Variants in RNF144B observed in about 807,000 individuals in gnomAD.
RNF144B encodes the protein E3 ubiquitin-protein ligase RNF144B.
In RNF144B, 25 loss-of-function variants were observed where a neutral mutation model predicts 40.2. The observed-to-expected ratio is 0.62, with a 90% CI of 0.45 to 0.87. The LOEUF (loss-of-function observed/expected upper bound fraction) is 0.87. Among genes scored for constraint, RNF144B ranks in the 40% least tolerant of loss-of-function variants. The probability of loss-of-function intolerance (pLI) is 0.00; values close to 1 mark genes in which losing one functional copy is unlikely to be tolerated. For synonymous variants in RNF144B, 145 were observed against 136.3 expected (o/e 1.06, Z -0.44); for missense variants, 365 against 373.7 (o/e 0.98, Z 0.19).
chr6:18,456,979 T>C lies in RNF144B; in HGVS notation c.332-176T>C, dbSNP rs568787141. Among the ~76,000 whole-genome samples the C allele has an allele frequency of 1.3e-5, 2 of 152,162 alleles. No individual in the cohort carries two copies. Among genetic ancestry groups the C allele is most frequent in the Admixed American group, 1.3e-4 (2 of 15,280 alleles). On this transcript the variant is annotated intron_variant, in intron 4 of 7. Transcript: ENST00000259939. This position sits in a 1 kb window ranked among gnomAD's most constrained non-coding sequence, Gnocchi z 4.7. ...CGGGAGGCTGAGGCAGAAGAATCGGTTGAACCCAGGAGGGGAGGTTGCAGT... is the reference window on the plus strand; with the variant it reads ...CGGGAGGCTGAGGCAGAAGAATCGGCTGAACCCAGGAGGGGAGGTTGCAGT...
chr6:18,448,678 A>G lies in RNF144B; in HGVS notation c.332-8477A>G, dbSNP rs959347122. Among the ~76,000 whole-genome samples, 2 of 128,910 alleles carry G rather than the reference A, an allele frequency of 1.6e-5. No individual in the cohort carries two copies. The highest frequency in any genetic ancestry group is 4.9e-4 in the South Asian group (2 of 4,080). The allele number at this position is 128,910 out of a possible 152,430, so 84.6% of individuals were successfully genotyped here. On this transcript the variant is annotated intron_variant, in intron 4 of 7. Transcript: ENST00000259939. This position sits in a 1 kb window ranked among gnomAD's most constrained non-coding sequence, Gnocchi z 4.0. ...GAATAATAAATCCATTTTATTTTGA[A>G]AGCCAGCATGCACACACACACACAC...
At chr6:18,428,214 G>A (rs536544333) in intron 3 of RNF144B, among the ~76,000 whole-genome samples, 1 of 152,288 alleles carries the variant, frequency 6.6e-6, no homozygotes, top group African/African-American at 2.4e-5. Context: ...TACCATGATT[G>A]TAAGTTTTCT....
rs1432906311 is a variant in RNF144B, at chr6:18,395,218, C to G, written c.-36-4281C>G. Reference sequence around the variant, plus strand: ...TTTGATAGAAATGTGAGGTATGAGGCAGTAGGAGTGAGTTAGCCTCTTTCT... The same window carrying G: ...TTTGATAGAAATGTGAGGTATGAGGGAGTAGGAGTGAGTTAGCCTCTTTCT... On this transcript the variant is annotated intron_variant, in intron 1 of 7. Transcript: ENST00000259939. This position sits in a 1 kb window ranked among gnomAD's most constrained non-coding sequence, Gnocchi z 4.5. Among the ~76,000 whole-genome samples the G allele has an allele frequency of 1.3e-5, 2 of 152,142 alleles. No homozygotes were observed. Among genetic ancestry groups the G allele is most frequent in the Non-Finnish European group, 2.9e-5 (2 of 68,030 alleles).
rs370489908 is a variant in RNF144B, at chr6:18,465,112, T to C, written c.*45T>C. The C allele has an allele frequency of 1.9e-6, 3 of 1,602,334 alleles. No individual in the cohort carries two copies. The African/African-American group carries it at 4.0e-5, about 21-fold the overall frequency. On this transcript the variant is annotated 3_prime_UTR_variant, in exon 8 of 8. Coordinates refer to ENST00000259939, the MANE Select transcript of RNF144B (RefSeq NM_182757.4). ...CCCCAGATATGTGAGTTACATGAGA[T>C]GGCACAGTGATAAAGCCCCATTTAG...
In RNF144B at chr6:18,463,377, A is replaced by T. The variant is rs1250449483; in HGVS notation, c.768A>T (p.Thr256=). The change falls in exon 7 of 8, where the codon ACA becomes ACT. Residue 256 remains threonine, a synonymous_variant. Transcript: ENST00000259939. ...HSRASVMWNR[T]QVVGILVGLG... ...GAGCATCAGTGATGTGGAACCGAAC[A>T]CAGGTACCCTGACCTTATAGGGAGC... 1 of 1,595,738 alleles carries T rather than the reference A, an allele frequency of 6.3e-7. No homozygotes were observed. The highest frequency in any genetic ancestry group is 8.6e-7 in the Non-Finnish European group (1 of 1,163,280).
At chr6:18,417,335 G>C (rs76091689) in intron 2 of RNF144B, among the ~76,000 whole-genome samples, 2,300 of 152,204 alleles carry the variant, frequency 0.015, 66 homozygotes, top group African/African-American at 0.052. Context: ...ATTACAGAGC[G>C]ACAGTAATCA....
At chr6:18,389,529 T>C (rs1454516897) in intron 1 of RNF144B, among the ~76,000 whole-genome samples, 1 of 152,226 alleles carries the variant, frequency 6.6e-6, no homozygotes, top group Non-Finnish European at 1.5e-5. Context: ...TATGTCAGAA[T>C]CCTTTCTCCG....
chr6:18,422,348 T>C lies in RNF144B; in HGVS notation c.166-5233T>C, dbSNP rs1758444760. On this transcript the variant is annotated intron_variant, in intron 2 of 7. Transcript: ENST00000259939. The surrounding 1 kb of genome is among the most constrained non-coding windows in gnomAD (Gnocchi z 4.7). Reference sequence around the variant, plus strand: ...GTGTGAGATGTTATTTAGAACACACTGGAAACATTGTGATGTCATTGTGCA... The same window carrying C: ...GTGTGAGATGTTATTTAGAACACACCGGAAACATTGTGATGTCATTGTGCA... Among the ~76,000 whole-genome samples, 2 of 152,218 alleles carry C rather than the reference T, an allele frequency of 1.3e-5. No individual in the cohort carries two copies. The highest frequency in any genetic ancestry group is 4.8e-5 in the African/African-American group (2 of 41,460).
At chr6:18,407,442 T>C (rs1018937738) in intron 2 of RNF144B, among the ~76,000 whole-genome samples, 2 of 152,220 alleles carry the variant, frequency 1.3e-5, no homozygotes, top group African/African-American at 4.8e-5. Context: ...CAGTAGATAA[T>C]CTAGATAAAT....
Position 18,416,917 on chromosome 6 carries a change from G to A in RNF144B, c.166-10664G>A, listed in dbSNP as rs747369163. Among the ~76,000 whole-genome samples, 4 of 151,980 alleles carry A rather than the reference G, an allele frequency of 2.6e-5. No individual in the cohort carries two copies. The highest frequency in any genetic ancestry group is 4.4e-5 in the Non-Finnish European group (3 of 67,990). On this transcript the variant is annotated intron_variant, in intron 2 of 7. Coordinates refer to ENST00000259939, the MANE Select transcript of RNF144B (RefSeq NM_182757.4). This position sits in a 1 kb window ranked among gnomAD's most constrained non-coding sequence, Gnocchi z 5.5. Reference sequence around the variant, plus strand: ...AATATTGATAACAGTTCAGCAAGGTGGCAGAATATAAGATCAATGTACAGA... The same window carrying A: ...AATATTGATAACAGTTCAGCAAGGTAGCAGAATATAAGATCAATGTACAGA...
intron 1 of RNF144B, among the ~76,000 whole-genome samples, chr6:18,394,220 C>T (rs1794644447): frequency 6.6e-6 from 1 of 152,184 alleles, no homozygotes; most frequent in Non-Finnish European, 1.5e-5. Flanking sequence ...AAAACATTAT[C>T]CCTTCCAATT....
chr6:18,420,059 T>A (rs1795225397), intron 2 of RNF144B, among the ~76,000 whole-genome samples: 1 of 152,108 alleles, frequency 6.6e-6, no homozygotes. Flanking sequence ...GTTTCAGTTA[T>A]CAGAGGTGAA....
chr6:18,387,979 G>A (rs2113446231), intron 1 of RNF144B, among the ~76,000 whole-genome samples: 1 of 152,202 alleles, frequency 6.6e-6, no homozygotes, highest in Admixed American at 6.5e-5. Flanking sequence ...TATTTTATCA[G>A]GTAATTGCTA....
chr6:18,457,183 G>C lies in RNF144B; in HGVS notation c.360G>C (p.Trp120Cys), dbSNP rs1759349620. 1 of 1,613,962 alleles carries C rather than the reference G, an allele frequency of 6.2e-7. No homozygotes were observed. The highest frequency in any genetic ancestry group is 8.5e-7 in the Non-Finnish European group (1 of 1,179,962). ...TTCATCTGGACCCCTACCGAACATG[G>C]TGTCCTGTTGCAGACTGTCAGACAG... is the stretch of plus-strand genomic sequence containing the variant. ...REVHLDPYRT[W>C]CPVADCQTVC... The change falls in exon 5 of 8, where the codon TGG becomes TGC. Residue 120 changes from tryptophan to cysteine, a missense_variant. By Grantham distance (215) the Trp-to-Cys change is radical. Coordinates refer to ENST00000259939, the MANE Select transcript of RNF144B (RefSeq NM_182757.4). This position sits in a 1 kb window ranked among gnomAD's most constrained non-coding sequence, Gnocchi z 5.1.
At chr6:18,451,950 T>A (rs1759217600) in intron 4 of RNF144B, among the ~76,000 whole-genome samples, 1 of 152,160 alleles carries the variant, frequency 6.6e-6, no homozygotes, top group Admixed American at 6.5e-5. Flanking sequence ...CTTTCGAAAT[T>A]TGAGAGCCCT....
Position 18,464,842 on chromosome 6 carries a change from C to T in RNF144B, c.772-85C>T. On this transcript the variant is annotated intron_variant, in intron 7 of 7. Coordinates refer to ENST00000259939, the MANE Select transcript of RNF144B (RefSeq NM_182757.4). The surrounding 1 kb of genome is among the most constrained non-coding windows in gnomAD (Gnocchi z 6.1). ...CTTCAGGGGGACACAAACATTTGGC[C>T]CACAGCAGATAACAGTATAGTTGGA... 4 of 1,335,414 alleles carry T rather than the reference C, an allele frequency of 3.0e-6. No individual in the cohort carries two copies. Among genetic ancestry groups the T allele is most frequent in the Non-Finnish European group, 4.2e-6 (4 of 948,332 alleles). 82.7% of individuals were successfully genotyped at this position (1,335,414 alleles called of 1,614,324 possible).
At chr6:18,455,412 T>C (rs1428616608) in intron 4 of RNF144B, among the ~76,000 whole-genome samples, 1 of 152,236 alleles carries the variant, frequency 6.6e-6, no homozygotes, top group Non-Finnish European at 1.5e-5. Flanking sequence ...CAGTATTTTA[T>C]TGGAACATTT....
rs2113517571 is a variant in RNF144B, at chr6:18,441,604, A to G, written c.331+1860A>G. Among the ~76,000 whole-genome samples the G allele has an allele frequency of 6.6e-6, 1 of 152,332 alleles. No homozygotes were observed. The highest frequency in any genetic ancestry group is 2.1e-4 in the South Asian group (1 of 4,830). On this transcript the variant is annotated intron_variant, in intron 4 of 7. Coordinates refer to ENST00000259939, the MANE Select transcript of RNF144B (RefSeq NM_182757.4). This position sits in a 1 kb window ranked among gnomAD's most constrained non-coding sequence, Gnocchi z 4.9. Reference sequence around the variant, plus strand: ...TTTGTAATTAGAATATTCTAATATTACCAGGAATTACAACTTTCTGTGGGT... The same window carrying G: ...TTTGTAATTAGAATATTCTAATATTGCCAGGAATTACAACTTTCTGTGGGT...
At position 18,448,536 on chromosome 6, in the gene RNF144B, C is replaced by T. The variant is rs1417766593; in HGVS notation, c.332-8619C>T. Among the ~76,000 whole-genome samples the T allele has an allele frequency of 1.3e-5, 2 of 152,048 alleles. No homozygotes were observed. The highest frequency in any genetic ancestry group is 2.4e-5 in the African/African-American group (1 of 41,382). On this transcript the variant is annotated intron_variant, in intron 4 of 7. Coordinates refer to ENST00000259939, the MANE Select transcript of RNF144B (RefSeq NM_182757.4). The surrounding 1 kb of genome is among the most constrained non-coding windows in gnomAD (Gnocchi z 4.0). ...GTATAGCGAACCTAGCAATATTGAA[C>T]GTGAAGTTTACAAGATACCTCCCAG... is the stretch of plus-strand genomic sequence containing the variant.
Sources: allele counts gnomAD v4.1 joint callset (sites outside exome capture counted in the v4.1 genomes callset), GRCh38; gene constraint gnomAD v4.1.1; non-coding constraint Gnocchi (gnomAD v3.1); transcripts MANE v1.5; gene names NCBI Gene and HGNC (gene_info 2026-07-23, HGNC 2026-07-21).